The following NBEA variants were observed in gnomAD, a reference collection of about 807,000 sequenced individuals.
The protein encoded by NBEA is neurobeachin.
NBEA carries 44 observed loss-of-function variants against 343.4 expected under a neutral mutation model. The ratio of observed to expected loss-of-function variants is 0.13; its 90% CI spans 0.10 to 0.16. The LOEUF (loss-of-function observed/expected upper bound fraction) is 0.16. NBEA is among the 10% of genes least tolerant of loss of function. The pLI is 1.00. For missense variants in NBEA, 2,555 were observed against 3,631.3 expected (o/e 0.70, Z 7.62); for synonymous variants, 1,175 against 1,238.7 (o/e 0.95, Z 1.08).
intron 33 of NBEA, among the ~76,000 whole-genome samples, chr13:35,212,729 G>T (rs1028224820): frequency 2.6e-5 from 4 of 152,106 alleles, no homozygotes; most frequent in African/African-American, 9.7e-5. Flanking sequence ...CATTTTGGCA[G>T]AAGTATAGTG....
intron 34 of NBEA, among the ~76,000 whole-genome samples, chr13:35,260,446 T>C (rs1281907451): frequency 1.3e-5 from 2 of 152,184 alleles, no homozygotes; most frequent in Admixed American, 1.3e-4. Flanking sequence ...CTGTGAACCA[T>C]GAGAGAACAG....
intron 36 of NBEA, among the ~76,000 whole-genome samples, chr13:35,322,990 T>C (rs1018420675): frequency 6.6e-6 from 1 of 151,950 alleles, no homozygotes; most frequent in African/African-American, 2.4e-5. Flanking sequence ...GCTGGGACTA[T>C]AGGCACGAGC....
At chr13:35,205,563 G>T (rs868510103) in intron 31 of NBEA, among the ~76,000 whole-genome samples, 1 of 151,892 alleles carries the variant, frequency 6.6e-6, no homozygotes. Context: ...CATCCTAACT[G>T]TTCTCTTAGG....
chr13:35,583,323 T>A (rs1028034111), intron 45 of NBEA, among the ~76,000 whole-genome samples: 10 of 152,176 alleles, frequency 6.6e-5, no homozygotes, highest in Admixed American at 2.0e-4. Context: ...TTCCAAGGAA[T>A]CCGAATTTCC....
chr13:35,447,185 T>C (rs1283727442), intron 39 of NBEA, among the ~76,000 whole-genome samples: 1 of 152,128 alleles, frequency 6.6e-6, no homozygotes, highest in Non-Finnish European at 1.5e-5. Flanking sequence ...CAGGTAGACA[T>C]ATTCTTTGAT....
At chr13:35,497,730 A>G (rs1278393953) in intron 41 of NBEA, among the ~76,000 whole-genome samples, 2 of 152,068 alleles carry the variant, frequency 1.3e-5, no homozygotes, top group East Asian at 3.9e-4. Context: ...ATGAGGAATC[A>G]ACTCTTACAG....
At chr13:35,486,820 G>T (rs1194724077) in intron 41 of NBEA, among the ~76,000 whole-genome samples, 2 of 151,994 alleles carry the variant, frequency 1.3e-5, no homozygotes, top group African/African-American at 4.8e-5. Context: ...TAAGGATAAT[G>T]TATTGATCTA....
chr13:35,277,107 G>C (rs2034641264), intron 34 of NBEA, among the ~76,000 whole-genome samples: 1 of 152,086 alleles, frequency 6.6e-6, no homozygotes, highest in Admixed American at 6.6e-5. Context: ...AATTCAGCTA[G>C]TTATGGACAA....
chr13:35,476,509 T>C (rs749391127), intron 41 of NBEA: 6 of 660,740 alleles, frequency 9.1e-6, no homozygotes, highest in Admixed American at 7.9e-5. Flanking sequence ...AAAGTTGCGC[T>C]GAGACCCAGC....
rs1594417587 is a variant in NBEA at position 35,380,272 on chromosome 13, C to G, written c.6179+27949C>G. On this transcript the variant is annotated intron_variant, in intron 38 of 58. Transcript: ENST00000379939. ...CCAGCCTCGCCAACATGGTGAAACC[C>G]TATCCCTACTACAAATACAAAAATT... Among the ~76,000 whole-genome samples, 3 of 152,112 alleles carry G rather than the reference C, an allele frequency of 2.0e-5. No individual in the cohort carries two copies. The South Asian group carries it at 6.2e-4, about 32-fold the overall frequency.
intron 1 of NBEA, among the ~76,000 whole-genome samples, chr13:35,000,466 T>C (rs775826951): frequency 6.1e-4 from 93 of 152,084 alleles, no homozygotes; most frequent in Admixed American, 1.4e-3. Context: ...GCTATAATAA[T>C]ACCACCTACA....
intron 33 of NBEA, among the ~76,000 whole-genome samples, chr13:35,230,259 ATT>A (rs960460878): frequency 3.3e-5 from 5 of 152,092 alleles, no homozygotes. Context: ...TTGAAGTTCT[ATT>A]TTGTATTTAA....
At chr13:35,113,157 T>A (rs879417855) in intron 13 of NBEA, among the ~76,000 whole-genome samples, 1 of 152,156 alleles carries the variant, frequency 6.6e-6, no homozygotes, top group Admixed American at 6.5e-5. Flanking sequence ...ACCAGTTATT[T>A]TTTTGAATAA....
At chr13:35,267,426 A>G (rs1029065093) in intron 34 of NBEA, among the ~76,000 whole-genome samples, 1 of 152,010 alleles carries the variant, frequency 6.6e-6, no homozygotes, top group African/African-American at 2.4e-5. Flanking sequence ...GGAGAAAAGC[A>G]TTAGGGCATT....
chr13:35,321,481 G>A (rs879408584), intron 36 of NBEA, among the ~76,000 whole-genome samples: 5 of 152,110 alleles, frequency 3.3e-5, no homozygotes, highest in Non-Finnish European at 5.9e-5. Context: ...TTCCCAGAGT[G>A]GCACCTGCCA....
At chr13:35,037,404 C>G (rs2152555013) in intron 1 of NBEA, among the ~76,000 whole-genome samples, 1 of 152,140 alleles carries the variant, frequency 6.6e-6, no homozygotes, top group South Asian at 2.1e-4. Context: ...ATTCTTGGTG[C>G]CTTATTTAGT....
chr13:35,236,218 C>A (rs565674714), intron 34 of NBEA, among the ~76,000 whole-genome samples: 1 of 152,266 alleles, frequency 6.6e-6, no homozygotes, highest in South Asian at 2.1e-4. Flanking sequence ...CAACCCAGAA[C>A]TCTGGAAACT....
chr13:35,204,666 A>G (rs2073259922), intron 31 of NBEA, among the ~76,000 whole-genome samples: 1 of 151,828 alleles, frequency 6.6e-6, no homozygotes, highest in Non-Finnish European at 1.5e-5. Context: ...AGAGGATTCA[A>G]GGTATCCGTC....
intron 49 of NBEA, among the ~76,000 whole-genome samples, chr13:35,634,299 T>C (rs2083601559): frequency 6.6e-6 from 1 of 152,106 alleles, no homozygotes; most frequent in African/African-American, 2.4e-5. Flanking sequence ...GCCAAGATCA[T>C]ACCACTGCAC....
Sources: gnomAD v4.1 joint callset for allele counts (sites outside exome capture counted in the v4.1 genomes callset) on GRCh38, gnomAD v4.1.1 for gene constraint, MANE v1.5 for transcripts, NCBI Gene and HGNC (gene_info 2026-07-23, HGNC 2026-07-21) for gene names.